Variants in GPATCH8 observed in about 807,000 individuals in gnomAD.
The protein encoded by GPATCH8 is G patch domain-containing protein 8.
Under a neutral mutation model 118.3 loss-of-function variants are expected in GPATCH8, and 18 were observed. The observed-to-expected ratio is 0.15, with a 90% CI of 0.11 to 0.23. The LOEUF (loss-of-function observed/expected upper bound fraction) is 0.23, where lower values mean the gene tolerates loss of function less well. GPATCH8 is among the 10% of genes least tolerant of loss of function. The pLI is 1.00. For synonymous variants in GPATCH8, 659 were observed against 684.7 expected (o/e 0.96, Z 0.59); for missense variants, 1,631 against 1,873.8 (o/e 0.87, Z 2.39).
intron 2 of GPATCH8, chr17:44,473,778 G>A (rs1967500167): frequency 6.6e-6 from 1 of 152,190 alleles, no homozygotes; most frequent in South Asian, 2.1e-4. Flanking sequence ...GAAAAATGTC[G>A]AACACCCCAA....
At chr17:44,453,526 T>A (rs988540121) in intron 3 of GPATCH8, among the ~76,000 whole-genome samples, 6 of 150,396 alleles carry the variant, frequency 4.0e-5, no homozygotes, top group Non-Finnish European at 7.4e-5. Flanking sequence ...TGTGTGTGTG[T>A]GTGTGCAGGC....
At chr17:44,419,653 A>C in intron 6 of GPATCH8, among the ~76,000 whole-genome samples, 1 of 149,626 alleles carries the variant, frequency 6.7e-6, no homozygotes, top group Non-Finnish European at 1.5e-5. Flanking sequence ...TCACCACATC[A>C]GGGTAATTTT....
chr17:44,453,536 C>T (rs943283290), intron 3 of GPATCH8, among the ~76,000 whole-genome samples: 27 of 39,662 alleles, frequency 6.8e-4, no homozygotes, highest in Non-Finnish European at 1.5e-3. Context: ...TGTGTGCAGG[C>T]GCGCGTTTTG....
rs145489156 is a variant in GPATCH8 at position 44,411,233 on chromosome 17, T to C, written c.493-5182A>G. ...CAAGAAATACGGCCTCTTTCTATAG[T>C]GGTTAGAACTTTTAAGATAGTCATC... is the stretch of plus-strand genomic sequence containing the variant. On this transcript the variant is annotated intron_variant, in intron 6 of 7. Transcript: ENST00000591680. 2.2e-3 allele frequency among the ~76,000 whole-genome samples: 340 copies of C among 152,242 alleles called. 1 individual carries two copies. Among genetic ancestry groups the C allele is most frequent in the African/African-American group, 7.9e-3 (327 of 41,560 alleles).
At chr17:44,457,152 T>A (rs7218343) in intron 3 of GPATCH8, among the ~76,000 whole-genome samples, 1 of 152,118 alleles carries the variant, frequency 6.6e-6, no homozygotes, top group Non-Finnish European at 1.5e-5. Flanking sequence ...TGTGACCCAC[T>A]GCAACTGGCC....
chr17:44,400,123 C>G lies in GPATCH8; in HGVS notation c.1954G>C (p.Gly652Arg). The change falls in exon 8 of 8, where the codon GGG (glycine) becomes CGG (arginine). Residue 652 changes from glycine to arginine, a missense_variant. By Grantham distance (125) the Gly-to-Arg change is moderately radical (BLOSUM62 -2). This residue lies in a region of GPATCH8 where 922 missense variants were observed against 879.7 expected (regional missense o/e 1.05). Transcript: ENST00000591680. ...LNKQEPGGSHGSETEDTGRSL... is the reference protein window; with the variant it reads ...LNKQEPGGSHRSETEDTGRSL... ...CTCCCTGTGTCTTCTGTCTCAGACC[C>G]ATGGCTACCCCCAGGCTCCTGCTTG... The G allele has an allele frequency of 6.2e-7, 1 of 1,614,026 alleles. No homozygotes were observed. Among genetic ancestry groups the G allele is most frequent in the Non-Finnish European group, 8.5e-7 (1 of 1,180,028 alleles).
At chr17:44,418,895 G>A (rs2049790843) in intron 6 of GPATCH8, among the ~76,000 whole-genome samples, 1 of 152,188 alleles carries the variant, frequency 6.6e-6, no homozygotes, top group Admixed American at 6.5e-5. Context: ...TTGAAAACTA[G>A]GGTTAAACTA....
chr17:44,408,930 T>A (rs970505019), intron 6 of GPATCH8: 5 of 152,168 alleles, frequency 3.3e-5, no homozygotes, highest in African/African-American at 9.7e-5. Flanking sequence ...GTCTGCAATC[T>A]CAAAAGCAGA....
chr17:44,427,725 G>A (rs868692571), intron 5 of GPATCH8, among the ~76,000 whole-genome samples: 14 of 152,108 alleles, frequency 9.2e-5, no homozygotes, highest in South Asian at 4.1e-4. Context: ...TAAATGGTAT[G>A]AAGCCACATA....
chr17:44,434,914 G>C, intron 5 of GPATCH8, 151 bp downstream of exon 5: 1 of 678,388 alleles, frequency 1.5e-6, no homozygotes, highest in Non-Finnish European at 2.7e-6. Flanking sequence ...CAATAAATAG[G>C]AATGTAATAG....
intron 1 of GPATCH8, among the ~76,000 whole-genome samples, chr17:44,491,766 A>C (rs1969266765): frequency 6.6e-6 from 1 of 151,952 alleles, no homozygotes; most frequent in Non-Finnish European, 1.5e-5. Flanking sequence ...CAATGGGAGG[A>C]TTGCCTGAGT....
At chr17:44,491,204 A>G (rs1445045415) in intron 1 of GPATCH8, among the ~76,000 whole-genome samples, 1 of 152,172 alleles carries the variant, frequency 6.6e-6, no homozygotes, top group African/African-American at 2.4e-5. Context: ...ATTTAATACA[A>G]CTTCAGTCAG....
At position 44,436,489 on chromosome 17, in the gene GPATCH8, T is replaced by G. The variant is rs748169703; in HGVS notation, c.250A>C (p.Met84Leu). ...TGAGATCAATTTACCTCCATTTCCA[T>G]GCGACCCATGCCCATGACATCATAC... ...VKYDVMGMGRMEMELDYAEDA... is the reference protein window; with the variant it reads ...VKYDVMGMGRLEMELDYAEDA... The change falls in exon 4 of 8, where the codon ATG (methionine) becomes CTG (leucine). Residue 84 changes from methionine to leucine, a missense_variant. By Grantham distance (15) the Met-to-Leu change is conservative (BLOSUM62 2). Coordinates refer to ENST00000591680, the MANE Select transcript of GPATCH8 (RefSeq NM_001002909.4). 1 of 1,424,546 alleles carries G rather than the reference T, an allele frequency of 7.0e-7. No homozygotes were observed. Among genetic ancestry groups the G allele is most frequent in the Non-Finnish European group, 9.9e-7 (1 of 1,006,738 alleles). The allele number at this position is 1,424,546 out of a possible 1,614,324, so 88.2% of individuals were successfully genotyped here. A position where few individuals can be genotyped will look rare whatever the true frequency, so the allele number is the denominator to read the frequency against.
At chr17:44,447,884 T>C (rs2050945463) in intron 3 of GPATCH8, among the ~76,000 whole-genome samples, 1 of 152,184 alleles carries the variant, frequency 6.6e-6, no homozygotes, top group Non-Finnish European at 1.5e-5. Flanking sequence ...TGCAGAACGC[T>C]CAAGGGTTCA....
In GPATCH8 at chr17:44,397,627, G is replaced by A; in HGVS notation, c.4450C>T (p.Leu1484=). 1 of 1,613,868 alleles carries A rather than the reference G, an allele frequency of 6.2e-7. No homozygotes were observed. The highest frequency in any genetic ancestry group is 8.5e-7 in the Non-Finnish European group (1 of 1,179,824). Residue 1484 remains leucine (L), a synonymous_variant, in exon 8 of 8, where the codon CTA becomes TTA. Coordinates refer to ENST00000591680, the MANE Select transcript of GPATCH8 (RefSeq NM_001002909.4). ...AAATALHLHP[L]LHPIFSGQDL... is the part of the protein sequence containing the mutation. The stretch of plus-strand genomic sequence containing the variant: ...TGACCTGAGAAGATGGGGTGAAGTA[G>A]TGGGTGAAGGTGAAGTGCAGTGGCA...
chr17:44,486,739 T>TA (rs1413091476), intron 1 of GPATCH8: 1 of 152,212 alleles, frequency 6.6e-6, no homozygotes, highest in African/African-American at 2.4e-5. Context: ...TTTCATTTCT[T>TA]AGAGGTAATC....
intron 3 of GPATCH8, among the ~76,000 whole-genome samples, chr17:44,455,776 T>A (rs2051306514): frequency 6.6e-6 from 1 of 152,218 alleles, no homozygotes; most frequent in Admixed American, 6.5e-5. Context: ...TGACAGAGTT[T>A]CGCTCTTGTC....
intron 3 of GPATCH8, among the ~76,000 whole-genome samples, chr17:44,443,735 CA>C (rs1700852327): frequency 6.6e-6 from 1 of 152,086 alleles, no homozygotes; most frequent in Non-Finnish European, 1.5e-5. Context: ...GTGGCATAAC[CA>C]CGGCTCACTG....
intron 1 of GPATCH8, among the ~76,000 whole-genome samples, chr17:44,483,184 T>A (rs1246763826): frequency 0.061 from 964 of 15,910 alleles, 51 homozygotes; most frequent in Non-Finnish European, 0.084. Context: ...AAAATATATA[T>A]ATATATATAT....
Sources: gnomAD v4.1 joint callset for allele counts (sites outside exome capture counted in the v4.1 genomes callset) on GRCh38, gnomAD v4.1.1 for gene constraint, gnomAD v4.1.1 regional missense constraint, MANE v1.5 for transcripts, NCBI Gene and HGNC (gene_info 2026-07-23, HGNC 2026-07-21) for gene names.